ENPP2: variants seen among roughly 807,000 people sequenced by gnomAD.
ENPP2 encodes ectonucleotide pyrophosphatase/phosphodiesterase 2.
In ENPP2, 51 loss-of-function variants were observed where a neutral mutation model predicts 120.2. The observed-to-expected ratio is 0.42, with a 90% CI of 0.34 to 0.54. ENPP2 has a LOEUF of 0.54. ENPP2 is among the 20% of genes least tolerant of loss of function. The probability of loss-of-function intolerance (pLI) is 0.04; values close to 1 mark genes in which losing one functional copy is unlikely to be tolerated. For missense variants in ENPP2, 920 were observed against 1,066.5 expected (o/e 0.86, Z 1.91); for synonymous variants, 365 against 366.4 (o/e 1.00, Z 0.04).
In ENPP2 at chr8:119,564,932, C is replaced by A; in HGVS notation, c.2155G>T (p.Val719Leu). 1 of 1,613,248 alleles carries A rather than the reference C, an allele frequency of 6.2e-7. No individual in the cohort carries two copies. Among genetic ancestry groups the A allele is most frequent in the Non-Finnish European group, 8.5e-7 (1 of 1,179,484 alleles). Residue 719 changes from valine to leucine, a missense_variant, in exon 23 of 25, where the codon GTA becomes TTA. Val to Leu is a conservative substitution (Grantham distance 32). Transcript: ENST00000075322. ...TCCGAAGCATATTTCTTCACCAATA[C>A]CCTTTGGAAATAATTCCAGACCCCT... ...FKRVWNYFQR[V>L]LVKKYASERN...
At chr8:119,628,286 G>A (rs757097927) in intron 2 of ENPP2, among the ~76,000 whole-genome samples, 1 of 152,082 alleles carries the variant, frequency 6.6e-6, no homozygotes, top group Non-Finnish European at 1.5e-5. Context: ...CCTCATAACT[G>A]TTTCCAGGAA....
intron 12 of ENPP2, among the ~76,000 whole-genome samples, chr8:119,592,595 C>A (rs1452080730): frequency 3.9e-5 from 5 of 127,352 alleles, no homozygotes; most frequent in Non-Finnish European, 8.0e-5. Context: ...TATCCATGAC[C>A]TTTACAATGC....
chr8:119,567,581 CTAAAA>C lies in ENPP2; in HGVS notation c.2131+589_2131+593del, dbSNP rs568841924. ...AAGAAATTACAAATGTTCAAAGAAA[CTAAAA>C]TAATTGGTACAGGACTAAAATCATC... is the stretch of plus-strand genomic sequence containing the variant. On this transcript the variant is annotated intron_variant, in intron 22 of 24. Transcript: ENST00000075322. 1.5e-4 allele frequency among the ~76,000 whole-genome samples: 23 copies of C among 152,188 alleles called. No individual in the cohort carries two copies. In the South Asian group the frequency reaches 4.8e-3, roughly 32 times the overall value.
chr8:119,593,030 C>T (rs1282902360), intron 12 of ENPP2: 16 of 849,624 alleles, frequency 1.9e-5, no homozygotes, highest in Non-Finnish European at 2.3e-5. Flanking sequence ...CTAATAGTTC[C>T]GGAATACAGG....
chr8:119,627,865 A>AATATAT lies in ENPP2; in HGVS notation c.137-1151_137-1146dup, dbSNP rs59289320. 9.8e-3 allele frequency among the ~76,000 whole-genome samples: 1,411 copies of AATATAT among 143,524 alleles called. 15 individuals are homozygous for AATATAT. The highest frequency in any genetic ancestry group is 0.021 in the African/African-American group (827 of 39,332). 94.2% of individuals were successfully genotyped at this position (143,524 alleles called of 152,430 possible). On this transcript the variant is annotated intron_variant, in intron 2 of 24. Coordinates refer to ENST00000075322, the MANE Select transcript of ENPP2 (RefSeq NM_001040092.3). ...TAACAGAGTGAAACTCCGTCTTAAA[A>AATATAT]ATATATATATATATATATATATATG...
At chr8:119,630,283 T>C (rs1587531647) in intron 2 of ENPP2, among the ~76,000 whole-genome samples, 1 of 152,118 alleles carries the variant, frequency 6.6e-6, no homozygotes, top group Non-Finnish European at 1.5e-5. Flanking sequence ...AATTTTCGTA[T>C]TTTTAGTAGA....
chr8:119,564,835 T>C lies in ENPP2; in HGVS notation c.2252A>G (p.Asp751Gly), dbSNP rs1376917100. 1.2e-6 allele frequency: 2 copies of C among 1,613,056 alleles called. No individual in the cohort carries two copies. The highest frequency in any genetic ancestry group is 1.3e-5 in the African/African-American group (1 of 74,850). The change falls in exon 23 of 25, where the codon GAC becomes GGC. Residue 751 changes from aspartate to glycine, a missense_variant. Physicochemically the swap from Asp to Gly is moderately conservative, Grantham distance 94. Transcript: ENST00000075322. ...YDYDGLHDTE[D>G]KIKQYVEGSS... Reference sequence around the variant, plus strand: ...ATGAAACGCTTACTGTTTTATTTTGTCTTCTGTGTCATGTAAGCCATCATA... The same window carrying C: ...ATGAAACGCTTACTGTTTTATTTTGCCTTCTGTGTCATGTAAGCCATCATA...
At chr8:119,597,157 C>T (rs1813953564) in intron 11 of ENPP2, among the ~76,000 whole-genome samples, 3 of 152,290 alleles carry the variant, frequency 2.0e-5, no homozygotes, top group Non-Finnish European at 2.9e-5. Context: ...CCTCTCTCTC[C>T]ACCAAAGCAA....
chr8:119,648,952 A>T (rs765445346), intron 1 of ENPP2, among the ~76,000 whole-genome samples: 12 of 152,208 alleles, frequency 7.9e-5, no homozygotes, highest in Non-Finnish European at 1.3e-4. Context: ...CCATTCACAG[A>T]TCTTGTATAT....
intron 1 of ENPP2, among the ~76,000 whole-genome samples, chr8:119,668,355 C>T (rs191030155): frequency 1.3e-5 from 2 of 151,598 alleles, no homozygotes; most frequent in Non-Finnish European, 2.9e-5. Flanking sequence ...ATGGTCTGAA[C>T]AATACAGAGT....
intron 15 of ENPP2, 69 bp downstream of exon 15, chr8:119,586,117 A>G: frequency 6.6e-7 from 1 of 1,517,970 alleles, no homozygotes; most frequent in Non-Finnish European, 9.0e-7. Context: ...TAAGGATGAT[A>G]AAATATTTCC....
intron 2 of ENPP2, among the ~76,000 whole-genome samples, chr8:119,631,371 C>T (rs1816667459): frequency 6.6e-6 from 1 of 150,640 alleles, no homozygotes; most frequent in East Asian, 2.0e-4. Context: ...TGCCCACCAC[C>T]ATGCCCGGCT....
At chr8:119,599,733 T>C (rs1212569078) in intron 11 of ENPP2, among the ~76,000 whole-genome samples, 1 of 152,094 alleles carries the variant, frequency 6.6e-6, no homozygotes, top group Admixed American at 6.6e-5. Flanking sequence ...CAGCTGGGTG[T>C]GGTGGCTCAC....
intron 8 of ENPP2, among the ~76,000 whole-genome samples, chr8:119,609,772 T>C (rs1814966886): frequency 6.6e-6 from 1 of 152,208 alleles, no homozygotes; most frequent in South Asian, 2.1e-4. Context: ...AACAACTTCC[T>C]AGATGTACTG....
intron 23 of ENPP2, 86 bp downstream of exon 23, chr8:119,564,737 T>C: frequency 8.6e-7 from 1 of 1,161,966 alleles, no homozygotes; most frequent in Non-Finnish European, 1.2e-6. Context: ...TGTCATCTCT[T>C]CTCTAGTATA....
chr8:119,586,442 T>C, intron 14 of ENPP2, 129 bp from the exon 15 acceptor site: 2 of 730,400 alleles, frequency 2.7e-6, no homozygotes, highest in Non-Finnish European at 4.6e-6. Flanking sequence ...AAATGAAATT[T>C]ATTTCTATTA....
intron 1 of ENPP2, among the ~76,000 whole-genome samples, chr8:119,653,524 C>G (rs908010961): frequency 2.0e-5 from 3 of 152,150 alleles, no homozygotes; most frequent in African/African-American, 7.2e-5. Flanking sequence ...GAAAAAATAG[C>G]AGGTGCAAAG....
intron 1 of ENPP2, among the ~76,000 whole-genome samples, chr8:119,669,446 G>A (rs934393982): frequency 6.6e-6 from 1 of 152,138 alleles, no homozygotes; most frequent in Non-Finnish European, 1.5e-5. Flanking sequence ...AATTACACAA[G>A]TAGCAATTGC....
At chr8:119,561,815 TTGTG>T (rs34146810) in intron 24 of ENPP2, among the ~76,000 whole-genome samples, 4 of 121,652 alleles carry the variant, frequency 3.3e-5, no homozygotes, top group Admixed American at 1.7e-4. Context: ...GTGTGTGTGT[TTGTG>T]TGTGTGTGTG....
Sources: allele counts gnomAD v4.1 joint callset (sites outside exome capture counted in the v4.1 genomes callset), GRCh38; gene constraint gnomAD v4.1.1; transcripts MANE v1.5; gene names NCBI Gene and HGNC (gene_info 2026-07-23, HGNC 2026-07-21).